Variants in CHSY3 observed in about 807,000 individuals in gnomAD.
CHSY3 encodes the protein chondroitin sulfate synthase 3.
CHSY3 carries 35 observed loss-of-function variants against 67.2 expected under a neutral mutation model. That is an observed-to-expected ratio of 0.52 (90% confidence interval 0.40 to 0.69). The LOEUF (loss-of-function observed/expected upper bound fraction) is 0.69. Among genes scored for constraint, CHSY3 ranks in the 30% least tolerant of loss-of-function variants. CHSY3 has a pLI of 0.00. For missense variants in CHSY3, 1,069 were observed against 1,138.5 expected (o/e 0.94, Z 0.88); for synonymous variants, 474 against 434.7 (o/e 1.09, Z -1.12).
intron 2 of CHSY3, among the ~76,000 whole-genome samples, chr5:130,014,861 C>T (rs1031497499): frequency 1.8e-4 from 27 of 152,166 alleles, no homozygotes; most frequent in African/African-American, 6.3e-4. Context: ...ACAAGTGGGA[C>T]CTAATTAAAC....
At chr5:130,020,461 A>ATATATATATTT (rs1371121130) in intron 2 of CHSY3, among the ~76,000 whole-genome samples, 2 of 79,926 alleles carry the variant, frequency 2.5e-5, no homozygotes, top group Non-Finnish European at 4.5e-5. Context: ...ATATATATAT[A>ATATATATATTT]TTTTTTTTTT....
At chr5:129,986,050 T>A (rs977340090) in intron 2 of CHSY3, among the ~76,000 whole-genome samples, 1 of 152,134 alleles carries the variant, frequency 6.6e-6, no homozygotes, top group East Asian at 1.9e-4. Flanking sequence ...TGCTCTAGAC[T>A]TCCAGTACTA....
At chr5:129,912,352 A>G (rs1760592698) in intron 2 of CHSY3, among the ~76,000 whole-genome samples, 1 of 152,148 alleles carries the variant, frequency 6.6e-6, no homozygotes, top group Non-Finnish European at 1.5e-5. Flanking sequence ...GTAGGGAAGG[A>G]AGTGAGTAGT....
chr5:130,131,070 T>C (rs558504873), intron 2 of CHSY3, among the ~76,000 whole-genome samples: 4 of 152,322 alleles, frequency 2.6e-5, no homozygotes, highest in South Asian at 4.1e-4. Flanking sequence ...GCCCAGTGCT[T>C]ACTCATCATC....
chr5:130,020,447 ATATATATATATATATTTTT>A (rs1412603323), intron 2 of CHSY3, among the ~76,000 whole-genome samples: 13,174 of 37,274 alleles, frequency 0.35, 1,054 homozygotes, highest in Middle Eastern at 0.46. Context: ...ATATATATAT[ATATATATATATATATTTTT>A]TTTTTTTTTT....
chr5:130,159,464 C>T (rs865906830), intron 2 of CHSY3, among the ~76,000 whole-genome samples: 7 of 152,082 alleles, frequency 4.6e-5, no homozygotes, highest in African/African-American at 7.2e-5. Context: ...TGTACCTGGC[C>T]GCAATTCTGC....
intron 2 of CHSY3, among the ~76,000 whole-genome samples, chr5:130,065,871 T>C (rs1260789678): frequency 6.6e-6 from 1 of 152,120 alleles, no homozygotes; most frequent in Non-Finnish European, 1.5e-5. Flanking sequence ...TCCCCTGTCG[T>C]ATTGGTTCAG....
rs1770408818 is a variant in CHSY3 at position 130,186,024 on chromosome 5, C to T, written c.*233C>T. On this transcript the variant is annotated 3_prime_UTR_variant, in exon 3 of 3. Coordinates refer to ENST00000305031, the MANE Select transcript of CHSY3 (RefSeq NM_175856.5). ...TTCTACTGAAGTCAATATGTTATTA[C>T]TTTTATATAACTTTATTTGAGATTG... The T allele has an allele frequency of 7.8e-6, 2 of 256,968 alleles. No individual in the cohort carries two copies. The highest frequency in any genetic ancestry group is 4.4e-5 in the African/African-American group (2 of 45,112). 15.9% of individuals were successfully genotyped at this position (256,968 alleles called of 1,614,324 possible). A position where few individuals can be genotyped will look rare whatever the true frequency, so the allele number is the denominator to read the frequency against.
intron 2 of CHSY3, among the ~76,000 whole-genome samples, chr5:130,039,646 A>T (rs1183221169): frequency 6.6e-6 from 1 of 152,064 alleles, no homozygotes; most frequent in Admixed American, 6.6e-5. Context: ...ACTACATGCC[A>T]GGCTAATTTT....
chr5:129,939,720 T>C (rs757965292), intron 2 of CHSY3, among the ~76,000 whole-genome samples: 9 of 152,220 alleles, frequency 5.9e-5, no homozygotes, highest in Non-Finnish European at 1.2e-4. Context: ...TCTTCACTTA[T>C]GTTGAAAATG....
intron 2 of CHSY3, among the ~76,000 whole-genome samples, chr5:129,979,947 G>A (rs986036124): frequency 1.3e-5 from 2 of 152,070 alleles, no homozygotes; most frequent in African/African-American, 2.4e-5. Context: ...TTTAATGATA[G>A]ATAATATTTC....
chr5:129,934,013 C>T (rs1761408376), intron 2 of CHSY3, among the ~76,000 whole-genome samples: 1 of 149,150 alleles, frequency 6.7e-6, no homozygotes, highest in Admixed American at 6.6e-5. Context: ...CCTAACAATG[C>T]CACTTTTAGT....
chr5:130,059,094 G>A (rs1171022844), intron 2 of CHSY3, among the ~76,000 whole-genome samples: 2 of 152,156 alleles, frequency 1.3e-5, no homozygotes, highest in African/African-American at 2.4e-5. Flanking sequence ...ATATTTATGA[G>A]AAAGCAGATT....
intron 2 of CHSY3, among the ~76,000 whole-genome samples, chr5:130,000,726 T>TCTC (rs1763697308): frequency 7.9e-6 from 1 of 127,272 alleles, no homozygotes; most frequent in African/African-American, 3.0e-5. Context: ...ATGTGTAACT[T>TCTC]TTCTTCTTTT....
chr5:130,165,988 A>T (rs1184498823), intron 2 of CHSY3, among the ~76,000 whole-genome samples: 2 of 152,152 alleles, frequency 1.3e-5, no homozygotes, highest in African/African-American at 4.8e-5. Flanking sequence ...AGTATGTAAA[A>T]TAAATTTAAA....
chr5:130,018,916 A>T (rs1054331641), intron 2 of CHSY3, among the ~76,000 whole-genome samples: 2 of 152,078 alleles, frequency 1.3e-5, no homozygotes, highest in Non-Finnish European at 2.9e-5. Flanking sequence ...TAAAGCCAGG[A>T]TGCCCTCAGG....
At chr5:129,975,740 C>T (rs2149617465) in intron 2 of CHSY3, among the ~76,000 whole-genome samples, 1 of 152,186 alleles carries the variant, frequency 6.6e-6, no homozygotes, top group East Asian at 1.9e-4. Flanking sequence ...GCCATCTTTA[C>T]CATGGAATTT....
chr5:130,126,700 C>T (rs1768302676), intron 2 of CHSY3, among the ~76,000 whole-genome samples: 1 of 152,148 alleles, frequency 6.6e-6, no homozygotes, highest in Non-Finnish European at 1.5e-5. Context: ...GAATCATTCT[C>T]ATTTCATTTT....
intron 2 of CHSY3, among the ~76,000 whole-genome samples, chr5:130,028,522 G>A (rs1764617429): frequency 1.3e-5 from 2 of 152,172 alleles, no homozygotes; most frequent in African/African-American, 4.8e-5. Flanking sequence ...TAATAATTAT[G>A]AACTATTATT....
Sources: gnomAD v4.1 joint callset for allele counts (sites outside exome capture counted in the v4.1 genomes callset) on GRCh38, gnomAD v4.1.1 for gene constraint, MANE v1.5 for transcripts, NCBI Gene and HGNC (gene_info 2026-07-23, HGNC 2026-07-21) for gene names.